TAP2: variants seen among roughly 807,000 people sequenced by gnomAD.
TAP2 encodes transporter 2, ATP binding cassette subfamily B member, also known as antigen peptide transporter 2.
TAP2 carries 49 observed loss-of-function variants against 74.7 expected under a neutral mutation model. That is an observed-to-expected ratio of 0.66 (90% confidence interval 0.52 to 0.83). The LOEUF is 0.83. Among genes scored for constraint, TAP2 ranks in the 40% least tolerant of loss-of-function variants. The probability of loss-of-function intolerance (pLI) is 0.00; values close to 1 mark genes in which losing one functional copy is unlikely to be tolerated. For missense variants in TAP2, 739 were observed against 859.0 expected (o/e 0.86, Z 1.75); for synonymous variants, 306 against 368.4 (o/e 0.83, Z 1.94).
At position 32,828,298 on chromosome 6, in the gene TAP2, C is replaced by G. The variant is rs1768787086; in HGVS notation, c.*608G>C. 1 of 985,292 alleles carries G rather than the reference C, an allele frequency of 1.0e-6. No homozygotes were observed. The highest frequency in any genetic ancestry group is 6.1e-5 in the Admixed American group (1 of 16,274). The allele number at this position is 985,292 out of a possible 1,614,324, so 61.0% of individuals were successfully genotyped here. On this transcript the variant is annotated 3_prime_UTR_variant, in exon 12 of 12. Transcript: ENST00000374897. ...CAATGTCGCTATTAATACTGTTAAT[C>G]AGGGAACTGTTCTCTGTCCCTCCAG... is the stretch of plus-strand genomic sequence containing the variant.
chr6:32,828,829 G>T lies in TAP2; in HGVS notation c.*77C>A, dbSNP rs796625872. 7 of 1,502,236 alleles carry T rather than the reference G, an allele frequency of 4.7e-6. No individual in the cohort carries two copies. The African/African-American group carries it at 8.3e-5, about 18-fold the overall frequency. 93.1% of individuals were successfully genotyped at this position (1,502,236 alleles called of 1,614,324 possible). A position where few individuals can be genotyped will look rare whatever the true frequency, so the allele number is the denominator to read the frequency against. Reference sequence around the variant, plus strand: ...CTCTGGGTCCTGGAGACGCCCCTGAGAAGAGGGCCCAGTATCCCTGGGGCC... The same window carrying T: ...CTCTGGGTCCTGGAGACGCCCCTGATAAGAGGGCCCAGTATCCCTGGGGCC... On this transcript the variant is annotated 3_prime_UTR_variant, in exon 12 of 12. Transcript: ENST00000374897.
Position 32,837,837 on chromosome 6 carries a change from T to C in TAP2, c.397A>G (p.Asn133Asp), listed in dbSNP as rs1343140578. 1 of 1,613,710 alleles carries C rather than the reference T, an allele frequency of 6.2e-7. No homozygotes were observed. Among genetic ancestry groups the C allele is most frequent in the South Asian group, 1.1e-5 (1 of 91,070 alleles). ...GAQEKEQDQVNNKVLMWRLLK... is the reference protein window; with the variant it reads ...GAQEKEQDQVDNKVLMWRLLK... ...AGCCTCCACATCAAGACTTTGTTGT[T>C]CACCTGGTCCTGCTCCTTCTCCTGG... The change falls in exon 2 of 12, where the codon AAC becomes GAC. Residue 133 changes from asparagine (N) to aspartate (D), a missense_variant. Asn to Asp is a conservative substitution (Grantham distance 23). Transcript: ENST00000374897.
At position 32,827,926 on chromosome 6, in the gene TAP2, AACG is replaced by A; in HGVS notation, c.*977_*979del. On this transcript the variant is annotated 3_prime_UTR_variant, in exon 12 of 12. Coordinates refer to ENST00000374897, the MANE Select transcript of TAP2 (RefSeq NM_001290043.2). ...TAAGTCTATGAGTGAAGACTATAAC[AACG>A]GGACTGGAGAGAAGAGAATAGATTC... 6 of 981,180 alleles carry A rather than the reference AACG, an allele frequency of 6.1e-6. No individual in the cohort carries two copies. The South Asian group carries it at 2.8e-4, about 47-fold the overall frequency. The allele number at this position is 981,180 out of a possible 1,614,324, so 60.8% of individuals were successfully genotyped here.
In TAP2 at chr6:32,825,939, A is replaced by T. The variant is rs546849520; in HGVS notation, c.*2967T>A. On this transcript the variant is annotated 3_prime_UTR_variant, in exon 12 of 12. Transcript: ENST00000374897. ...TAAGGTAAGAAGACAGGTTTCAGATACTTGGCACAGCAATAGCACATAGTA... is the reference window on the plus strand; with the variant it reads ...TAAGGTAAGAAGACAGGTTTCAGATTCTTGGCACAGCAATAGCACATAGTA... The T allele has an allele frequency of 3.1e-6, 3 of 953,914 alleles. No individual in the cohort carries two copies. In the South Asian group the frequency reaches 1.5e-4, roughly 46 times the overall value. 59.1% of individuals were successfully genotyped at this position (953,914 alleles called of 1,614,324 possible). A position where few individuals can be genotyped will look rare whatever the true frequency, so the allele number is the denominator to read the frequency against.
Position 32,835,806 on chromosome 6 carries a change from T to C in TAP2, c.609-33A>G, listed in dbSNP as rs768547359. 5 of 1,612,590 alleles carry C rather than the reference T, an allele frequency of 3.1e-6. No individual in the cohort carries two copies. Among genetic ancestry groups the C allele is most frequent in the East Asian group, 2.2e-5 (1 of 44,864 alleles). On this transcript the variant is annotated intron_variant, in intron 3 of 11. Transcript: ENST00000374897. This position sits in a 1 kb window ranked among gnomAD's most constrained non-coding sequence, Gnocchi z 4.0. ...GTAGGAGAATAAGAGGGGAGGGAGA[T>C]GCAGAGAAGGAGCAAGCCAGCGGGT...
At chr6:32,823,685 C>T (rs1768456476), downstream of TAP2, among the ~76,000 whole-genome samples, 1 of 151,774 alleles carries the variant, frequency 6.6e-6, no homozygotes, top group South Asian at 2.1e-4. Flanking sequence ...GTTAAGAAGC[C>T]CATTTATAAT....
downstream of TAP2, chr6:32,822,308 CA>C: frequency 6.5e-7 from 1 of 1,536,354 alleles, no homozygotes; most frequent in Non-Finnish European, 8.9e-7. Context: ...CATGAACTTC[CA>C]AAGGGTTTTC....
rs764973712 is a variant in TAP2 at position 32,829,983 on chromosome 6, T to C, written c.1742A>G (p.Gln581Arg). The C allele has an allele frequency of 2.5e-5, 41 of 1,612,988 alleles. No individual in the cohort carries two copies. The highest frequency in any genetic ancestry group is 8.3e-5 in the Admixed American group (5 of 60,010). ...CEDDKVMAAA[Q>R]AAHADDFIQE... Reference sequence around the variant, plus strand: ...GATGAAGTCATCTGCGTGGGCAGCCTGGGCAGCCGCCATCACCTTATCATC... The same window carrying C: ...GATGAAGTCATCTGCGTGGGCAGCCCGGGCAGCCGCCATCACCTTATCATC... Residue 581 changes from glutamine to arginine, a missense_variant, in exon 10 of 12, where the codon CAG (glutamine) becomes CGG (arginine). Transcript: ENST00000374897.
At chr6:32,829,606 G>A in intron 10 of TAP2, 70 bp from the exon 11 acceptor site, 1 of 1,605,356 alleles carries the variant, frequency 6.2e-7, no homozygotes, top group Non-Finnish European at 8.5e-7. Flanking sequence ...AGGGACAAGT[G>A]CACAGCAGGT....
intron 7 of TAP2, among the ~76,000 whole-genome samples, chr6:32,831,078 A>G (rs553226140): frequency 6.6e-6 from 1 of 152,208 alleles, no homozygotes; most frequent in African/African-American, 2.4e-5. Context: ...GCTTCCTATT[A>G]CTTGTGCCCA....
rs115851366 is a variant in TAP2, at chr6:32,834,246, G to C, written c.945+908C>G. 5.2e-3 allele frequency among the ~76,000 whole-genome samples: 798 copies of C among 152,316 alleles called. 3 individuals carry two copies. Among genetic ancestry groups the C allele is most frequent in the African/African-American group, 0.018 (763 of 41,558 alleles). Reference sequence around the variant, plus strand: ...GGTGGAAACAACGCAAATGTCCATTGACAGATGAATGGATAATCAAAATGT... The same window carrying C: ...GGTGGAAACAACGCAAATGTCCATTCACAGATGAATGGATAATCAAAATGT... On this transcript the variant is annotated intron_variant, in intron 5 of 11. Coordinates refer to ENST00000374897, the MANE Select transcript of TAP2 (RefSeq NM_001290043.2).
intron 9 of TAP2, 43 bp downstream of exon 9, chr6:32,830,224 A>G (rs769415357): frequency 3.0e-5 from 48 of 1,612,604 alleles, no homozygotes; most frequent in Non-Finnish European, 3.9e-5. Flanking sequence ...CTCTCTGTAC[A>G]TGCTCCCCTC....
Position 32,835,475 on chromosome 6 carries a change from A to G in TAP2, c.740-116T>C. ...CCCCCTCCTCTGAACATCCTCCTTC[A>G]CTTGCAGAGGGACAGTGGAGGCTGC... On this transcript the variant is annotated intron_variant, in intron 4 of 11. Transcript: ENST00000374897. The surrounding 1 kb of genome is among the most constrained non-coding windows in gnomAD (Gnocchi z 4.0). The G allele has an allele frequency of 6.9e-7, 1 of 1,441,528 alleles. No homozygotes were observed. Among genetic ancestry groups the G allele is most frequent in the Non-Finnish European group, 9.6e-7 (1 of 1,039,536 alleles). The allele number at this position is 1,441,528 out of a possible 1,614,324, so 89.3% of individuals were successfully genotyped here. A position where few individuals can be genotyped will look rare whatever the true frequency, so the allele number is the denominator to read the frequency against.
intron 7 of TAP2, among the ~76,000 whole-genome samples, chr6:32,831,209 T>G (rs576790602): frequency 1.8e-4 from 28 of 152,278 alleles, no homozygotes; most frequent in African/African-American, 6.5e-4. Context: ...TTATCAAGTG[T>G]CTAGGAAAAT....
Position 32,829,380 on chromosome 6 carries a change from T to C in TAP2, c.1932+20A>G. 1 of 1,581,230 alleles carries C rather than the reference T, an allele frequency of 6.3e-7. No homozygotes were observed. The highest frequency in any genetic ancestry group is 8.6e-7 in the Non-Finnish European group (1 of 1,162,868). On this transcript the variant is annotated intron_variant, in intron 11 of 11. Coordinates refer to ENST00000374897, the MANE Select transcript of TAP2 (RefSeq NM_001290043.2). ...GCCCCTCCCAGGCCCCACTGTCCCCTGCCCTCTCACGGTACTCACGGCCTG... is the reference window on the plus strand; with the variant it reads ...GCCCCTCCCAGGCCCCACTGTCCCCCGCCCTCTCACGGTACTCACGGCCTG...
At position 32,835,362 on chromosome 6, in the gene TAP2, A is replaced by G. The variant is rs775141343; in HGVS notation, c.740-3T>C. 3 of 1,613,016 alleles carry G rather than the reference A, an allele frequency of 1.9e-6. No individual in the cohort carries two copies. In the Admixed American group the frequency reaches 5.0e-5, roughly 27 times the overall value. ...GCTCAGCCGTGAGTTCAGCTCCCCTAAGAAGGACAGAGCAGGTGAGGAAAA... is the reference window on the plus strand; with the variant it reads ...GCTCAGCCGTGAGTTCAGCTCCCCTGAGAAGGACAGAGCAGGTGAGGAAAA... On this transcript the variant is annotated splice_region_variant and splice_polypyrimidine_tract_variant and intron_variant, in intron 4 of 11. Transcript: ENST00000374897. The surrounding 1 kb of genome is among the most constrained non-coding windows in gnomAD (Gnocchi z 4.0).
Position 32,837,738 on chromosome 6 carries a change from C to T in TAP2, c.493+3G>A, listed in dbSNP as rs1280778176. 1 of 1,614,076 alleles carries T rather than the reference C, an allele frequency of 6.2e-7. No individual in the cohort carries two copies. Among genetic ancestry groups the T allele is most frequent in the Admixed American group, 1.7e-5 (1 of 60,000 alleles). ...CAACTCACAACGTCCTCTCCTGACT[C>T]ACCCAAAACAGCAAGGACAAGGAAG... is the stretch of plus-strand genomic sequence containing the variant. On this transcript the variant is annotated splice_donor_region_variant and intron_variant, in intron 2 of 11. Coordinates refer to ENST00000374897, the MANE Select transcript of TAP2 (RefSeq NM_001290043.2).
chr6:32,825,126 T>TCATATATATATATATATA (rs1554230832), downstream of TAP2, among the ~76,000 whole-genome samples: 1 of 140,686 alleles, frequency 7.1e-6, no homozygotes, highest in African/African-American at 2.7e-5. Flanking sequence ...TGTCTGTTGG[T>TCATATATATATATATATA]TATATACATA....
chr6:32,830,877 A>C, intron 7 of TAP2, 71 bp from the exon 8 acceptor site: 3 of 1,298,410 alleles, frequency 2.3e-6, no homozygotes, highest in South Asian at 2.5e-5. Flanking sequence ...CCAACTCCTC[A>C]CACACTCCAC....
Sources: gnomAD v4.1 joint callset for allele counts (sites outside exome capture counted in the v4.1 genomes callset) on GRCh38, gnomAD v4.1.1 for gene constraint, Gnocchi (gnomAD v3.1) non-coding constraint, MANE v1.5 for transcripts, NCBI Gene and HGNC (gene_info 2026-07-23, HGNC 2026-07-21) for gene names.